The following WNK1 variants were observed in gnomAD, a reference collection of about 807,000 sequenced individuals.
WNK1 encodes WNK lysine deficient protein kinase 1.
In WNK1, 38 loss-of-function variants were observed where a neutral mutation model predicts 222.8. That is an observed-to-expected ratio of 0.17 (90% CI 0.13 to 0.22). The LOEUF is 0.22. Among genes scored for constraint, WNK1 ranks in the 10% least tolerant of loss-of-function variants. The probability of loss-of-function intolerance (pLI) is 1.00; values close to 1 mark genes in which losing one functional copy is unlikely to be tolerated. For missense variants in WNK1, 2,348 were observed against 2,918.4 expected (o/e 0.80, Z 4.50); for synonymous variants, 1,090 against 1,092.9 (o/e 1.00, Z 0.05).
At chr12:813,865 A>T in intron 2 of WNK1, 51 bp downstream of exon 2, 1 of 1,585,570 alleles carries the variant, frequency 6.3e-7, no homozygotes, top group South Asian at 1.1e-5. Context: ...AGAGAATTTG[A>T]TTTTTTAAAT....
rs926387715 is a variant in WNK1 at position 869,813 on chromosome 12, C to CT, written c.2140-1441dup. Among the ~76,000 whole-genome samples, 191 of 142,690 alleles carry CT rather than the reference C, an allele frequency of 1.3e-3. 1 individual carries two copies. Among genetic ancestry groups the CT allele is most frequent in the African/African-American group, 2.9e-3 (114 of 39,162 alleles). 93.6% of individuals were successfully genotyped at this position (142,690 alleles called of 152,430 possible). ...AACTAACAATCTAGTGAGTGGTGGG[C>CT]TTTTTTTTTTTGTTATAAGAATTTG... On this transcript the variant is annotated intron_variant, in intron 8 of 27. Coordinates refer to ENST00000315939, the MANE Select transcript of WNK1 (RefSeq NM_018979.4).
intron 1 of WNK1, among the ~76,000 whole-genome samples, chr12:812,916 A>G (rs1018504142): frequency 2.6e-5 from 4 of 152,118 alleles, no homozygotes; most frequent in African/African-American, 9.7e-5. Flanking sequence ...TTGAAGACAA[A>G]TACTTGAGTA....
At chr12:858,668 C>T (rs1332210088) in intron 5 of WNK1, among the ~76,000 whole-genome samples, 1 of 152,084 alleles carries the variant, frequency 6.6e-6, no homozygotes, top group Non-Finnish European at 1.5e-5. Flanking sequence ...AAACTAGAAA[C>T]AAAAATATTT....
chr12:867,830 A>G (rs987631944), intron 8 of WNK1: 15 of 1,610,928 alleles, frequency 9.3e-6, no homozygotes, highest in Admixed American at 1.7e-5. Context: ...TCACATATGA[A>G]TGTATGAATT....
At chr12:844,851 A>G (rs1263757093) in intron 4 of WNK1, among the ~76,000 whole-genome samples, 2 of 144,358 alleles carry the variant, frequency 1.4e-5, no homozygotes, top group South Asian at 2.2e-4. Flanking sequence ...AATCATGATG[A>G]TTCTGTGTTG....
rs777612835 is a variant in WNK1 at position 896,565 on chromosome 12, T to C, written c.6078T>C (p.Gly2026=). The change falls in exon 24 of 28, where the codon GGT becomes GGC. Residue 2026 remains glycine (G), a synonymous_variant. Coordinates refer to ENST00000315939, the MANE Select transcript of WNK1 (RefSeq NM_018979.4). ...AAFLSRDVDD[G]SGSPHSPHQL... The stretch of plus-strand genomic sequence containing the variant: ...TTTTAAGTAGGGATGTGGATGATGG[T>C]TCCGGTAGTCCACACTCGCCCCATC... The C allele has an allele frequency of 6.2e-6, 10 of 1,613,002 alleles. No homozygotes were observed. Among genetic ancestry groups the C allele is most frequent in the Non-Finnish European group, 8.5e-6 (10 of 1,179,692 alleles).
rs1382476771 is a variant in WNK1, at chr12:803,142, T to C, written c.760-10500T>C. Among the ~76,000 whole-genome samples, 5 of 152,228 alleles carry C rather than the reference T, an allele frequency of 3.3e-5. 1 individual carries two copies. Among genetic ancestry groups the C allele is most frequent in the African/African-American group, 9.6e-5 (4 of 41,456 alleles). Reference sequence around the variant, plus strand: ...AAGGTTAGTTTTATGTATTGTAAACTGTAGTTAGATAAATAATGGTTACTT... The same window carrying C: ...AAGGTTAGTTTTATGTATTGTAAACCGTAGTTAGATAAATAATGGTTACTT... On this transcript the variant is annotated intron_variant, in intron 1 of 27. Transcript: ENST00000315939.
intron 1 of WNK1, among the ~76,000 whole-genome samples, chr12:775,809 ATTC>A (rs1943020200): frequency 6.6e-6 from 1 of 152,152 alleles, no homozygotes; most frequent in African/African-American, 2.4e-5. Context: ...TGTGTCATAT[ATTC>A]TTATGTCACC....
chr12:893,076 G>A (rs1366232467), intron 22 of WNK1, among the ~76,000 whole-genome samples: 1 of 152,136 alleles, frequency 6.6e-6, no homozygotes, highest in Non-Finnish European at 1.5e-5. Flanking sequence ...GCAATATAGT[G>A]AGACCCCCAT....
chr12:777,409 C>T (rs779784515), intron 1 of WNK1, among the ~76,000 whole-genome samples: 3 of 151,914 alleles, frequency 2.0e-5, no homozygotes, highest in Admixed American at 6.6e-5. Context: ...GTGCCTGCCT[C>T]GGCCTCCCAA....
At chr12:844,844 C>T (rs1949903026) in intron 4 of WNK1, among the ~76,000 whole-genome samples, 1 of 149,032 alleles carries the variant, frequency 6.7e-6, no homozygotes, top group Non-Finnish European at 1.5e-5. Flanking sequence ...TATAAGCAAT[C>T]ATGATGATTC....
chr12:883,152 T>C lies in WNK1; in HGVS notation c.3489+93T>C. The stretch of plus-strand genomic sequence containing the variant: ...AATATGCCATATTTTATAATCCATG[T>C]TTTTTTAAAGTTATGCATTTACTTC... On this transcript the variant is annotated intron_variant, in intron 15 of 27. Coordinates refer to ENST00000315939, the MANE Select transcript of WNK1 (RefSeq NM_018979.4). The C allele has an allele frequency of 2.8e-6, 3 of 1,084,242 alleles. No individual in the cohort carries two copies. In the East Asian group the frequency reaches 7.1e-5, roughly 26 times the overall value. The allele number at this position is 1,084,242 out of a possible 1,614,324, so 67.2% of individuals were successfully genotyped here.
At chr12:878,544 A>C (rs574732139) in intron 10 of WNK1, among the ~76,000 whole-genome samples, 183 bp downstream of exon 10, 2 of 152,266 alleles carry the variant, frequency 1.3e-5, no homozygotes, top group African/African-American at 4.8e-5. Flanking sequence ...TCATTGGTGC[A>C]TATGCATTAT....
At chr12:871,492 GAA>G in intron 9 of WNK1, 144 bp downstream of exon 9, 2 of 762,372 alleles carry the variant, frequency 2.6e-6, no homozygotes, top group Non-Finnish European at 4.4e-6. Context: ...CAGTAACAAA[GAA>G]AAAAAAGAGA....
At chr12:877,298 C>T (rs927999348) in intron 9 of WNK1, among the ~76,000 whole-genome samples, 1 of 152,152 alleles carries the variant, frequency 6.6e-6, no homozygotes, top group Non-Finnish European at 1.5e-5. Context: ...CTCTGGACCG[C>T]AGGTGATCTG....
At chr12:860,718 C>G (rs1951143625) in intron 6 of WNK1, among the ~76,000 whole-genome samples, 1 of 152,124 alleles carries the variant, frequency 6.6e-6, no homozygotes, top group South Asian at 2.1e-4. Context: ...GGTTTAGGAA[C>G]TGAGGTTTTA....
chr12:854,918 A>G (rs1229941242), intron 4 of WNK1, among the ~76,000 whole-genome samples: 1 of 152,214 alleles, frequency 6.6e-6, no homozygotes, highest in African/African-American at 2.4e-5. Context: ...TGTTTAGATA[A>G]TAATGACAGG....
At chr12:804,291 A>G (rs1470554714) in intron 1 of WNK1, among the ~76,000 whole-genome samples, 2 of 152,192 alleles carry the variant, frequency 1.3e-5, no homozygotes, top group Non-Finnish European at 2.9e-5. Context: ...CATAACATAA[A>G]TTTACCATTG....
intron 4 of WNK1, among the ~76,000 whole-genome samples, chr12:841,732 C>A (rs1949641359): frequency 6.6e-6 from 1 of 152,186 alleles, no homozygotes; most frequent in African/African-American, 2.4e-5. Context: ...GATTTGGTAT[C>A]TAGTGAGGTT....
Sources: gnomAD v4.1 joint callset for allele counts (sites outside exome capture counted in the v4.1 genomes callset) on GRCh38, gnomAD v4.1.1 for gene constraint, MANE v1.5 for transcripts, NCBI Gene and HGNC (gene_info 2026-07-23, HGNC 2026-07-21) for gene names.